Variants in SYBU observed in about 807,000 individuals in gnomAD.
SYBU encodes the protein GOLSYN A protein.
Under a neutral mutation model 35.9 loss-of-function variants are expected in SYBU, and 21 were observed. The observed-to-expected ratio is 0.58, with a 90% CI of 0.41 to 0.84. SYBU has a LOEUF of 0.84. SYBU is among the 40% of genes least tolerant of loss of function. SYBU has a pLI of 0.00. For missense variants in SYBU, 768 were observed against 848.2 expected (o/e 0.91, Z 1.17); for synonymous variants, 319 against 324.3 (o/e 0.98, Z 0.18).
chr8:109,642,347 T>A (rs531202492), intron 2 of SYBU, among the ~76,000 whole-genome samples: 1 of 152,248 alleles, frequency 6.6e-6, no homozygotes, highest in East Asian at 1.9e-4. Context: ...CTAATGTAGA[T>A]GATGGGTTGA....
chr8:109,610,572 C>T (rs1211149283), intron 3 of SYBU, among the ~76,000 whole-genome samples: 3 of 152,198 alleles, frequency 2.0e-5, no homozygotes, highest in African/African-American at 7.2e-5. Context: ...TGACCGCAGT[C>T]GGCATTCATA....
At chr8:109,653,073 G>A (rs888479608) in intron 1 of SYBU, among the ~76,000 whole-genome samples, 1 of 152,136 alleles carries the variant, frequency 6.6e-6, no homozygotes, top group Non-Finnish European at 1.5e-5. Context: ...TGACCCAGAG[G>A]AGGATAAACT....
rs765185756 is a variant in SYBU at position 109,586,161 on chromosome 8, A to G, written c.429T>C (p.Gly143=). The G allele has an allele frequency of 6.2e-7, 1 of 1,601,472 alleles. No individual in the cohort carries two copies. Among genetic ancestry groups the G allele is most frequent in the East Asian group, 2.2e-5 (1 of 44,694 alleles). Residue 143 remains glycine, a splice_region_variant and synonymous_variant, in exon 4 of 7, where the codon GGT becomes GGC. Coordinates refer to ENST00000276646, the MANE Select transcript of SYBU (RefSeq NM_001099754.2). ...KESKSGLVKP[G]SEADFSSSSS... is the part of the protein sequence containing the mutation. Reference sequence around the variant, plus strand: ...TCGAGGAGCTAAAATCAGCTTCACTACCTGAAAAACAACAGGGGAGAGAGA... The same window carrying G: ...TCGAGGAGCTAAAATCAGCTTCACTGCCTGAAAAACAACAGGGGAGAGAGA...
intron 3 of SYBU, among the ~76,000 whole-genome samples, chr8:109,599,308 G>T (rs886545731): frequency 1.3e-5 from 2 of 152,192 alleles, no homozygotes; most frequent in Non-Finnish European, 2.9e-5. Context: ...TAACATAACA[G>T]AAATACATTT....
intron 4 of SYBU, among the ~76,000 whole-genome samples, chr8:109,583,896 C>T (rs2129648342): frequency 6.6e-6 from 1 of 152,262 alleles, no homozygotes; most frequent in East Asian, 1.9e-4. Flanking sequence ...GCAACCTCCG[C>T]CTCTCAGGTT....
chr8:109,591,252 G>A (rs1244965935), intron 3 of SYBU, among the ~76,000 whole-genome samples: 1 of 152,056 alleles, frequency 6.6e-6, no homozygotes, highest in Non-Finnish European at 1.5e-5. Context: ...TGCTTTTTTT[G>A]TGAATAAATC....
intron 3 of SYBU, among the ~76,000 whole-genome samples, chr8:109,606,635 C>T (rs1329007908): frequency 6.6e-6 from 1 of 152,154 alleles, no homozygotes; most frequent in Non-Finnish European, 1.5e-5. Context: ...CTCACACACC[C>T]ATGTTTGTCT....
intron 3 of SYBU, among the ~76,000 whole-genome samples, chr8:109,608,299 C>G (rs1826275160): frequency 6.6e-6 from 1 of 152,166 alleles, no homozygotes; most frequent in Non-Finnish European, 1.5e-5. Flanking sequence ...CAATATTGGA[C>G]CAAAACGTAT....
At chr8:109,586,866 T>C (rs1823680171) in intron 3 of SYBU, among the ~76,000 whole-genome samples, 1 of 152,214 alleles carries the variant, frequency 6.6e-6, no homozygotes, top group Non-Finnish European at 1.5e-5. Flanking sequence ...GATCACATGA[T>C]ACTTTGAGTA....
chr8:109,631,551 C>T (rs781477106), intron 2 of SYBU, among the ~76,000 whole-genome samples: 3 of 152,192 alleles, frequency 2.0e-5, no homozygotes, highest in African/African-American at 4.8e-5. Context: ...CTCTGGAACA[C>T]GGGCCGAGTA....
chr8:109,666,444 GA>G (rs930978655), intron 1 of SYBU, among the ~76,000 whole-genome samples: 5 of 152,124 alleles, frequency 3.3e-5, no homozygotes, highest in Middle Eastern at 6.8e-3. Flanking sequence ...TCTCCTAGGA[GA>G]CAAGATCATC....
intron 4 of SYBU, among the ~76,000 whole-genome samples, chr8:109,582,006 T>C (rs1823085933): frequency 1.3e-5 from 2 of 152,230 alleles, no homozygotes; most frequent in African/African-American, 4.8e-5. Context: ...AAGGAACATG[T>C]ACCCTGGTGT....
chr8:109,685,651 C>A (rs1413826956), upstream of SYBU, among the ~76,000 whole-genome samples: 3 of 152,148 alleles, frequency 2.0e-5, no homozygotes, highest in African/African-American at 4.8e-5. Flanking sequence ...TATAAAAATT[C>A]TTCATAATTC....
At chr8:109,624,435 C>G (rs1440935129) in intron 2 of SYBU, among the ~76,000 whole-genome samples, 1 of 152,164 alleles carries the variant, frequency 6.6e-6, no homozygotes, top group Non-Finnish European at 1.5e-5. Context: ...TTAATGAAAA[C>G]AGATGGAATA....
Position 109,574,371 on chromosome 8 carries a change from A to G in SYBU, c.*535T>C, listed in dbSNP as rs1173844892. On this transcript the variant is annotated 3_prime_UTR_variant, in exon 7 of 7. Coordinates refer to ENST00000276646, the MANE Select transcript of SYBU (RefSeq NM_001099754.2). Reference sequence around the variant, plus strand: ...ACAAACAAGCCATTTAAGACTTTGGAGCTACATTTAGTAAAAAATTGCAAA... The same window carrying G: ...ACAAACAAGCCATTTAAGACTTTGGGGCTACATTTAGTAAAAAATTGCAAA... 6.5e-6 allele frequency: 1 copy of G among 152,712 alleles called. No individual in the cohort carries two copies. The highest frequency in any genetic ancestry group is 1.5e-5 in the Non-Finnish European group (1 of 68,076). 9.5% of individuals were successfully genotyped at this position (152,712 alleles called of 1,614,324 possible). A position where few individuals can be genotyped will look rare whatever the true frequency, so the allele number is the denominator to read the frequency against.
rs35120699 is a variant in SYBU, at chr8:109,616,006, C to CTTT, written c.427+2833_427+2835dup. On this transcript the variant is annotated intron_variant, in intron 3 of 6. Transcript: ENST00000276646. ...TAATTTCTTTTCTTTTCTTTTCTTT[C>CTTT]TTTTTTTTTTTTTTTTTTTTTTTGA... Among the ~76,000 whole-genome samples, 430 of 67,778 alleles carry CTTT rather than the reference C, an allele frequency of 6.3e-3. 1 individual carries two copies. Among genetic ancestry groups the CTTT allele is most frequent in the Non-Finnish European group, 7.6e-3 (292 of 38,530 alleles). The allele number at this position is 67,778 out of a possible 152,430, so 44.5% of individuals were successfully genotyped here.
chr8:109,632,404 G>A (rs997619432), intron 2 of SYBU, among the ~76,000 whole-genome samples: 4 of 152,136 alleles, frequency 2.6e-5, no homozygotes, highest in African/African-American at 9.7e-5. Flanking sequence ...TCACTTTAAG[G>A]ACATCTGAAT....
intron 1 of SYBU, among the ~76,000 whole-genome samples, chr8:109,686,618 C>T (rs1172114847): frequency 1.3e-5 from 2 of 152,124 alleles, no homozygotes; most frequent in South Asian, 2.1e-4. Flanking sequence ...TTAATATTAC[C>T]TTCCACCCAT....
At chr8:109,676,415 A>T (rs573305596) in intron 1 of SYBU, among the ~76,000 whole-genome samples, 7 of 152,344 alleles carry the variant, frequency 4.6e-5, no homozygotes, top group African/African-American at 1.4e-4. Flanking sequence ...AATCTCCTTA[A>T]GCTGATAAGC....
Sources: gnomAD v4.1 joint callset for allele counts (sites outside exome capture counted in the v4.1 genomes callset) on GRCh38, gnomAD v4.1.1 for gene constraint, MANE v1.5 for transcripts, NCBI Gene and HGNC (gene_info 2026-07-23, HGNC 2026-07-21) for gene names.